The following GABRG3 variants were observed in gnomAD, a reference collection of about 807,000 sequenced individuals.
GABRG3 encodes the protein gamma-aminobutyric acid type A receptor subunit gamma3, also known as gamma-aminobutyric acid receptor subunit gamma-3.
GABRG3 carries 25 observed loss-of-function variants against 48.8 expected under a neutral mutation model. The ratio of observed to expected loss-of-function variants is 0.51; its 90% CI spans 0.37 to 0.72. GABRG3 has a LOEUF of 0.72. GABRG3 is among the 30% of genes least tolerant of loss of function. The pLI is 0.00. For synonymous variants in GABRG3, 227 were observed against 217.6 expected (o/e 1.04, Z -0.38); for missense variants, 394 against 577.9 (o/e 0.68, Z 3.26).
At chr15:27,523,620 T>G (rs1211187401) in intron 7 of GABRG3, among the ~76,000 whole-genome samples, 1 of 151,852 alleles carries the variant, frequency 6.6e-6, no homozygotes, top group African/African-American at 2.4e-5. Context: ...AATGCACACA[T>G]GCTTCAACTA....
At chr15:27,340,047 C>T (rs1219231256) in intron 5 of GABRG3, among the ~76,000 whole-genome samples, 1 of 152,144 alleles carries the variant, frequency 6.6e-6, no homozygotes, top group African/African-American at 2.4e-5. Context: ...AGCCTCTCCT[C>T]TTGTGTCAGG....
intron 5 of GABRG3, among the ~76,000 whole-genome samples, chr15:27,394,235 T>C (rs1304311814): frequency 6.6e-6 from 1 of 152,186 alleles, no homozygotes; most frequent in Non-Finnish European, 1.5e-5. Context: ...CTGTTTCTTT[T>C]ACTACATTAA....
chr15:27,298,036 T>C (rs1726076468), intron 3 of GABRG3, among the ~76,000 whole-genome samples: 1 of 151,736 alleles, frequency 6.6e-6, no homozygotes, highest in Non-Finnish European at 1.5e-5. Context: ...ATCCACTTAA[T>C]CCAAAAGAAG....
intron 3 of GABRG3, among the ~76,000 whole-genome samples, chr15:27,122,102 T>C (rs1897741485): frequency 6.6e-6 from 1 of 152,082 alleles, no homozygotes; most frequent in Non-Finnish European, 1.5e-5. Flanking sequence ...ACTAAAAGAG[T>C]GTAATTGGAT....
At chr15:27,192,539 C>T (rs1325135437) in intron 3 of GABRG3, among the ~76,000 whole-genome samples, 1 of 152,220 alleles carries the variant, frequency 6.6e-6, no homozygotes, top group Non-Finnish European at 1.5e-5. Context: ...CTTCTGCATT[C>T]TTCACGTAGT....
At chr15:27,152,765 G>A (rs908364535) in intron 3 of GABRG3, among the ~76,000 whole-genome samples, 2 of 151,792 alleles carry the variant, frequency 1.3e-5, no homozygotes, top group Non-Finnish European at 2.9e-5. Flanking sequence ...ATTTCCTTAA[G>A]TGCTTTTCAG....
intron 3 of GABRG3, among the ~76,000 whole-genome samples, chr15:27,303,796 A>C (rs1892298419): frequency 6.6e-6 from 1 of 150,916 alleles, no homozygotes; most frequent in South Asian, 2.1e-4. Context: ...ACATATATCT[A>C]TTTGTGTGTG....
intron 5 of GABRG3, among the ~76,000 whole-genome samples, chr15:27,410,833 C>T (rs1344917016): frequency 4.2e-5 from 6 of 142,252 alleles, no homozygotes; most frequent in African/African-American, 7.9e-5. Flanking sequence ...AGAGAGCACA[C>T]GTGCGCACGC....
rs954534914 is a variant in GABRG3, at chr15:27,235,223, C to T, written c.271-91586C>T. Among the ~76,000 whole-genome samples, 22 of 151,632 alleles carry T rather than the reference C, an allele frequency of 1.5e-4. No homozygotes were observed. The East Asian group carries it at 3.1e-3, about 21-fold the overall frequency. ...TTTGTAAGAAATAAAACATAATGTC[C>T]GCCAAACCAGAAAAAGGTGTAGTCA... On this transcript the variant is annotated intron_variant, in intron 3 of 9. Transcript: ENST00000615808.
chr15:27,303,814 G>A (rs147977779), intron 3 of GABRG3, among the ~76,000 whole-genome samples: 5,373 of 150,562 alleles, frequency 0.036, 130 homozygotes, highest in Non-Finnish European at 0.052. Context: ...GTGTGTGTGT[G>A]TATATATGTA....
At chr15:27,448,805 A>T (rs533475629) in intron 5 of GABRG3, among the ~76,000 whole-genome samples, 1 of 151,930 alleles carries the variant, frequency 6.6e-6, no homozygotes, top group South Asian at 2.1e-4. Context: ...GTGTGCATGC[A>T]CACACACAAA....
chr15:27,195,319 CTCTT>C (rs1331442672), intron 3 of GABRG3, among the ~76,000 whole-genome samples: 1 of 152,130 alleles, frequency 6.6e-6, no homozygotes, highest in Admixed American at 6.6e-5. Context: ...TTCTCTCCCT[CTCTT>C]TCTTTCTTTC....
At chr15:27,249,880 A>C (rs536822242) in intron 3 of GABRG3, among the ~76,000 whole-genome samples, 1 of 152,318 alleles carries the variant, frequency 6.6e-6, no homozygotes, top group Non-Finnish European at 1.5e-5. Context: ...TAAGATAATT[A>C]CATTATCATA....
intron 6 of GABRG3, among the ~76,000 whole-genome samples, chr15:27,519,093 G>A (rs1165843833): frequency 6.6e-6 from 1 of 152,178 alleles, no homozygotes; most frequent in Non-Finnish European, 1.5e-5. Flanking sequence ...CGGGGAAGGT[G>A]ATAGTTCAGT....
rs139414760 is a variant in GABRG3, at chr15:27,075,523, T to A, written c.270+48702T>A. Among the ~76,000 whole-genome samples, 34 of 152,344 alleles carry A rather than the reference T, an allele frequency of 2.2e-4. No individual in the cohort carries two copies. In the East Asian group the frequency reaches 6.6e-3, roughly 29 times the overall value. On this transcript the variant is annotated intron_variant, in intron 3 of 9. Coordinates refer to ENST00000615808, the MANE Select transcript of GABRG3 (RefSeq NM_033223.5). Reference sequence around the variant, plus strand: ...GAAGGCAAACCCTAGAGCTGAAGGCTTTGTACATTCGGCAGAGAACTCTTT... The same window carrying A: ...GAAGGCAAACCCTAGAGCTGAAGGCATTGTACATTCGGCAGAGAACTCTTT...
intron 5 of GABRG3, among the ~76,000 whole-genome samples, chr15:27,402,692 A>G (rs547261901): frequency 6.6e-6 from 1 of 152,254 alleles, no homozygotes; most frequent in Non-Finnish European, 1.5e-5. Flanking sequence ...AATCCTCTCC[A>G]AAATATTCTT....
At chr15:27,117,359 A>C (rs372396763) in intron 3 of GABRG3, among the ~76,000 whole-genome samples, 1 of 152,184 alleles carries the variant, frequency 6.6e-6, no homozygotes, top group Middle Eastern at 3.4e-3. Flanking sequence ...CAATACTCAA[A>C]GTTTTTTAGG....
In GABRG3 at chr15:27,246,750, CT is replaced by C. The variant is rs1463598480; in HGVS notation, c.271-80058del. On this transcript the variant is annotated intron_variant, in intron 3 of 9. Transcript: ENST00000615808. ...GGATAAATATTGTGGTTATCATGAT[CT>C]GATTATCAAGCAGTAACTTGCGAGG... Among the ~76,000 whole-genome samples the C allele has an allele frequency of 5.3e-5, 8 of 152,134 alleles. No homozygotes were observed. In the South Asian group the frequency reaches 8.3e-4, roughly 16 times the overall value.
intron 3 of GABRG3, among the ~76,000 whole-genome samples, chr15:27,241,143 G>A (rs1890117071): frequency 6.6e-6 from 1 of 152,160 alleles, no homozygotes; most frequent in South Asian, 2.1e-4. Flanking sequence ...TTCCTGAAGA[G>A]GCAACTATGA....
Sources: allele counts gnomAD v4.1 joint callset (sites outside exome capture counted in the v4.1 genomes callset), GRCh38; gene constraint gnomAD v4.1.1; transcripts MANE v1.5; gene names NCBI Gene and HGNC (gene_info 2026-07-23, HGNC 2026-07-21).